PRPF38A: variants seen among roughly 807,000 people sequenced by gnomAD.
PRPF38A encodes the protein pre-mRNA processing factor 38A.
A neutral mutation model predicts 46.8 loss-of-function variants in PRPF38A; 11 were observed. That is an observed-to-expected ratio of 0.24 (90% confidence interval 0.15 to 0.39). The LOEUF (loss-of-function observed/expected upper bound fraction) is 0.39. Among genes scored for constraint, PRPF38A ranks in the 10% least tolerant of loss-of-function variants. PRPF38A has a pLI of 1.00. For synonymous variants in PRPF38A, 124 were observed against 136.2 expected, an observed-to-expected ratio of 0.91 and a Z score of 0.62; for missense variants, 261 against 407.5, an observed-to-expected ratio of 0.64 and a Z score of 3.10.
chr1:52,408,229 G>A lies in PRPF38A; in HGVS notation c.291-340G>A, dbSNP rs143122620. 5.9e-3 allele frequency: 2,264 copies of A among 383,338 alleles called. 39 individuals carry two copies. The highest frequency in any genetic ancestry group is 0.043 in the African/African-American group (2,063 of 47,668). 23.7% of individuals were successfully genotyped at this position (383,338 alleles called of 1,614,324 possible). A position where few individuals can be genotyped will look rare whatever the true frequency, so the allele number is the denominator to read the frequency against. On this transcript the variant is annotated intron_variant, in intron 2 of 9. Transcript: ENST00000257181. The stretch of plus-strand genomic sequence containing the variant: ...CACTGCAGCCTGGGCAACAGAGCAA[G>A]ACTCTGCCTTAAAAAATAAAATAAA...
Position 52,404,791 on chromosome 1 carries a change from C to T in PRPF38A, c.42C>T (p.Gly14=), listed in dbSNP as rs1028063861. The stretch of plus-strand genomic sequence containing the variant: ...TGAAGGATGCGCACAGCATCCATGG[C>T]ACCAACCCTCAATATCTGGTGGAGA... The part of the protein sequence containing the change: ...RTVKDAHSIH[G]TNPQYLVEKI... Residue 14 remains glycine (G), a synonymous_variant, in exon 1 of 10, where the codon GGC becomes GGT. Coordinates refer to ENST00000257181, the MANE Select transcript of PRPF38A (RefSeq NM_032864.4). 1.2e-5 allele frequency: 20 copies of T among 1,614,068 alleles called. No individual in the cohort carries two copies. The highest frequency in any genetic ancestry group is 2.2e-5 in the East Asian group (1 of 44,904).
At position 52,414,011 on chromosome 1, in the gene PRPF38A, CT is replaced by C; in HGVS notation, c.722+24del. 3 of 1,528,168 alleles carry C rather than the reference CT, an allele frequency of 2.0e-6. No homozygotes were observed. The highest frequency in any genetic ancestry group is 2.7e-6 in the Non-Finnish European group (3 of 1,103,148). The allele number at this position is 1,528,168 out of a possible 1,614,324, so 94.7% of individuals were successfully genotyped here. A position where few individuals can be genotyped will look rare whatever the true frequency, so the allele number is the denominator to read the frequency against. ...CAGAAGGTAAAGCCTAGTCATTGGCCTTTTCCCAGAAGATTTTGAGCACTGT... is the reference window on the plus strand; with the variant it reads ...CAGAAGGTAAAGCCTAGTCATTGGCCTTTCCCAGAAGATTTTGAGCACTGT... On this transcript the variant is annotated intron_variant, in intron 6 of 9. Coordinates refer to ENST00000257181, the MANE Select transcript of PRPF38A (RefSeq NM_032864.4).
intron 2 of PRPF38A, among the ~76,000 whole-genome samples, chr1:52,406,512 G>C (rs994625519): frequency 1.3e-5 from 2 of 151,620 alleles, no homozygotes; most frequent in African/African-American, 4.9e-5. Context: ...TCCAGATTCT[G>C]TTGCCCATTA....
intron 2 of PRPF38A, among the ~76,000 whole-genome samples, chr1:52,407,169 C>A (rs190769153): frequency 2.0e-5 from 3 of 150,448 alleles, no homozygotes; most frequent in Admixed American, 2.0e-4. Flanking sequence ...AGGCGCCCAC[C>A]ACTACACCCG....
chr1:52,408,194 C>G (rs1049776074), intron 2 of PRPF38A: 1 of 352,470 alleles, frequency 2.8e-6, no homozygotes, highest in East Asian at 7.6e-5. Context: ...GAGCCAAGAT[C>G]GTGCCACTGC....
intron 4 of PRPF38A, among the ~76,000 whole-genome samples, chr1:52,411,802 G>A (rs1216644720): frequency 1.3e-5 from 2 of 152,182 alleles, no homozygotes; most frequent in Admixed American, 1.3e-4. Flanking sequence ...TGTTGGCACT[G>A]TAGGGCATGT....
At chr1:52,412,934 A>G (rs1264639430) in intron 5 of PRPF38A, among the ~76,000 whole-genome samples, 3 of 152,272 alleles carry the variant, frequency 2.0e-5, no homozygotes, top group Non-Finnish European at 4.4e-5. Flanking sequence ...CCCGGGAGGC[A>G]GAGGTTGCAG....
At position 52,420,496 on chromosome 1, in the gene PRPF38A, T is replaced by C. The variant is rs1308046894; in HGVS notation, c.*3806T>C. On this transcript the variant is annotated 3_prime_UTR_variant, in exon 10 of 10. Transcript: ENST00000257181. ...AAGCTAGAAAAAAAAATAGCCTCTT[T>C]ATTGTTTTCCGTAATTGTCCTTAAT... 1 of 152,216 alleles carries C rather than the reference T, an allele frequency of 6.6e-6. No individual in the cohort carries two copies. The highest frequency in any genetic ancestry group is 1.9e-4 in the East Asian group (1 of 5,198). 9.4% of individuals were successfully genotyped at this position (152,216 alleles called of 1,614,324 possible).
intron 4 of PRPF38A, among the ~76,000 whole-genome samples, chr1:52,412,223 CT>C (rs1186502934): frequency 6.6e-6 from 1 of 152,122 alleles, no homozygotes; most frequent in Non-Finnish European, 1.5e-5. Context: ...GAAGCCCTTA[CT>C]TTTGGTTCTA....
Position 52,416,635 on chromosome 1 carries a change from G to A in PRPF38A, c.897-13G>A. 1 of 1,606,430 alleles carries A rather than the reference G, an allele frequency of 6.2e-7. No individual in the cohort carries two copies. The stretch of plus-strand genomic sequence containing the variant: ...CTTCTTAATATAATTATTTATATGT[G>A]TTGCCATTTCAGGTCTAAGAAGAGC... On this transcript the variant is annotated splice_polypyrimidine_tract_variant and intron_variant, in intron 9 of 9. Coordinates refer to ENST00000257181, the MANE Select transcript of PRPF38A (RefSeq NM_032864.4).
Position 52,404,679 on chromosome 1 carries a change from A to C in PRPF38A, c.-71A>C. 1 of 1,531,750 alleles carries C rather than the reference A, an allele frequency of 6.5e-7. No individual in the cohort carries two copies. Among genetic ancestry groups the C allele is most frequent in the South Asian group, 1.2e-5 (1 of 82,598 alleles). 94.9% of individuals were successfully genotyped at this position (1,531,750 alleles called of 1,614,324 possible). ...TTCTTCCACCTTTCTCCATTCCTCT[A>C]GGTGCTTTTTCTGAACCTGGATGTG... On this transcript the variant is annotated 5_prime_UTR_variant, in exon 1 of 10. Coordinates refer to ENST00000257181, the MANE Select transcript of PRPF38A (RefSeq NM_032864.4).
chr1:52,408,932 C>T (rs189207078), intron 3 of PRPF38A: 166 of 383,924 alleles, frequency 4.3e-4, no homozygotes, highest in African/African-American at 3.1e-3. Flanking sequence ...ATGTTAATCC[C>T]TGCCTTGCAT....
rs940738382 is a variant in PRPF38A, at chr1:52,406,839, A to G, written c.290+1000A>G. Among the ~76,000 whole-genome samples, 7 of 152,316 alleles carry G rather than the reference A, an allele frequency of 4.6e-5. No individual in the cohort carries two copies. The East Asian group carries it at 1.2e-3, about 25-fold the overall frequency. On this transcript the variant is annotated intron_variant, in intron 2 of 9. Transcript: ENST00000257181. Reference sequence around the variant, plus strand: ...TCTACAGGAGAGGAAACTGAGGCACAGAGATTAATTAATTTTGCCCAAGTT... The same window carrying G: ...TCTACAGGAGAGGAAACTGAGGCACGGAGATTAATTAATTTTGCCCAAGTT...
intron 4 of PRPF38A, 124 bp downstream of exon 4, chr1:52,411,324 C>G: frequency 1.5e-6 from 1 of 652,962 alleles, no homozygotes; most frequent in South Asian, 1.9e-5. Flanking sequence ...AATGAATAGT[C>G]TTCCTGTCTG....
At chr1:52,413,733 C>A in intron 5 of PRPF38A, 146 bp from the exon 6 acceptor site, 1 of 625,162 alleles carries the variant, frequency 1.6e-6, no homozygotes. Flanking sequence ...AGGGTAAGTG[C>A]TTCCCTCTTT....
chr1:52,411,018 A>G lies in PRPF38A; in HGVS notation c.413-97A>G, dbSNP rs1191670439. On this transcript the variant is annotated intron_variant, in intron 3 of 9. Transcript: ENST00000257181. ...AATCTCTTCTAAAGAGGCCTAGCAC[A>G]TAGATGTCCTGATATGAAGTCTTAA... 6 of 813,882 alleles carry G rather than the reference A, an allele frequency of 7.4e-6. No homozygotes were observed. The African/African-American group carries it at 8.5e-5, about 12-fold the overall frequency. The allele number at this position is 813,882 out of a possible 1,614,324, so 50.4% of individuals were successfully genotyped here.
chr1:52,404,620 C>T lies in PRPF38A; in HGVS notation c.-130C>T, dbSNP rs2147951881. ...GCCCTTTACACTACGGTGTTTCCGG[C>T]TTCAAGATGGTCGCCTAAGCTGTTT... On this transcript the variant is annotated 5_prime_UTR_variant, in exon 1 of 10. Transcript: ENST00000257181. 2 of 1,009,498 alleles carry T rather than the reference C, an allele frequency of 2.0e-6. No homozygotes were observed. Among genetic ancestry groups the T allele is most frequent in the Non-Finnish European group, 2.9e-6 (2 of 697,258 alleles). The allele number at this position is 1,009,498 out of a possible 1,614,324, so 62.5% of individuals were successfully genotyped here.
chr1:52,414,889 T>C, intron 8 of PRPF38A, 30 bp downstream of exon 8: 2 of 1,607,118 alleles, frequency 1.2e-6, no homozygotes, highest in Non-Finnish European at 1.7e-6. Flanking sequence ...TGCCACAGGT[T>C]GTCTTAACAA....
chr1:52,407,461 T>A (rs1247213265), intron 2 of PRPF38A, among the ~76,000 whole-genome samples: 1 of 152,260 alleles, frequency 6.6e-6, no homozygotes, highest in East Asian at 1.9e-4. Context: ...ATCTCCGTTT[T>A]ACAAGGATTG....
Sources: gnomAD v4.1 joint callset for allele counts (sites outside exome capture counted in the v4.1 genomes callset) on GRCh38, gnomAD v4.1.1 for gene constraint, MANE v1.5 for transcripts, NCBI Gene and HGNC (gene_info 2026-07-23, HGNC 2026-07-21) for gene names.